The following CDCA7L variants were observed in gnomAD, a reference collection of about 807,000 sequenced individuals.
CDCA7L encodes the protein cell division cycle-associated 7-like protein.
Under a neutral mutation model 57.4 loss-of-function variants are expected in CDCA7L, and 44 were observed. The ratio of observed to expected loss-of-function variants is 0.77; its 90% CI spans 0.60 to 0.98. The LOEUF (loss-of-function observed/expected upper bound fraction) is 0.98, where lower values mean the gene tolerates loss of function less well. Among genes scored for constraint, CDCA7L ranks in the 50% least tolerant of loss-of-function variants. CDCA7L has a pLI of 0.00. For missense variants in CDCA7L, 644 were observed against 580.6 expected (o/e 1.11, Z -1.12); for synonymous variants, 236 against 202.8 (o/e 1.16, Z -1.39).
At chr7:21,913,904 A>G (rs1785404895) in intron 2 of CDCA7L, among the ~76,000 whole-genome samples, 1 of 152,108 alleles carries the variant, frequency 6.6e-6, no homozygotes, top group Non-Finnish European at 1.5e-5. Flanking sequence ...ACTGTTTTCC[A>G]TGTGGGTCTG....
At chr7:21,929,633 A>G (rs1471977560) in intron 1 of CDCA7L, among the ~76,000 whole-genome samples, 3 of 19,114 alleles carry the variant, frequency 1.6e-4, no homozygotes, top group Non-Finnish European at 1.0e-3. Context: ...ATGGAAAGCA[A>G]AAAAAAAAAA....
intron 8 of CDCA7L, chr7:21,903,889 G>C (rs1785035871): frequency 7.3e-6 from 3 of 411,366 alleles, no homozygotes; most frequent in Non-Finnish European, 1.3e-5. Context: ...TCTGACAATG[G>C]AAAATCTAAC....
At chr7:21,909,774 C>G (rs1402445608) in intron 3 of CDCA7L, among the ~76,000 whole-genome samples, 1 of 152,162 alleles carries the variant, frequency 6.6e-6, no homozygotes, top group African/African-American at 2.4e-5. Flanking sequence ...AGATGTGGAA[C>G]AGCTCACTAC....
In CDCA7L at chr7:21,902,240, A is replaced by AAAATCTTTCTTAGGCACCTATG; in HGVS notation, c.*81_*82insCATAGGTGCCTAAGAAAGATTT. On this transcript the variant is annotated 3_prime_UTR_variant, in exon 10 of 10. Transcript: ENST00000406877. ...TTCTGTATAAAAACACAACTGTAAA[A>AAAATCTTTCTTAGGCACCTATG]AAATCTTTCTTAGGCACCAATGGTA... 9.0e-7 allele frequency: 1 copy of AAAATCTTTCTTAGGCACCTATG among 1,111,710 alleles called. No individual in the cohort carries two copies. Among genetic ancestry groups the AAAATCTTTCTTAGGCACCTATG allele is most frequent in the Non-Finnish European group, 1.3e-6 (1 of 763,906 alleles). 68.9% of individuals were successfully genotyped at this position (1,111,710 alleles called of 1,614,324 possible).
intron 1 of CDCA7L, among the ~76,000 whole-genome samples, chr7:21,921,223 G>A (rs980460251): frequency 2.7e-5 from 4 of 150,272 alleles, no homozygotes; most frequent in African/African-American, 9.8e-5. Flanking sequence ...TTACTGATTA[G>A]GAACAAAAGG....
chr7:21,939,048 T>A (rs1786262190), intron 1 of CDCA7L, among the ~76,000 whole-genome samples: 1 of 152,092 alleles, frequency 6.6e-6, no homozygotes, highest in Admixed American at 6.5e-5. Context: ...ATACATACTA[T>A]AACATGGATA....
Position 21,904,252 on chromosome 7 carries a change from G to A in CDCA7L, c.1055C>T (p.Thr352Met), listed in dbSNP as rs148567671. ...DKIYDKVLGN[T>M]CHQCRQKTID... ...GGTCTTTTGTCGACACTGATGGCAC[G>A]TGTTACCCTACAGGGGGAAGGCAGT... The change falls in exon 8 of 10, where the codon ACG becomes ATG. Residue 352 changes from threonine (T) to methionine (M), a missense_variant. By Grantham distance (81) the Thr-to-Met change is moderately conservative. Transcript: ENST00000406877. 11 of 1,604,058 alleles carry A rather than the reference G, an allele frequency of 6.9e-6. No individual in the cohort carries two copies. The highest frequency in any genetic ancestry group is 2.7e-5 in the African/African-American group (2 of 74,674).
intron 1 of CDCA7L, among the ~76,000 whole-genome samples, chr7:21,943,197 G>C (rs1174819317): frequency 6.6e-6 from 1 of 152,232 alleles, no homozygotes; most frequent in Non-Finnish European, 1.5e-5. Flanking sequence ...ACAGTGGTCA[G>C]CACGACAAGA....
At chr7:21,914,362 G>C (rs1202014002) in intron 2 of CDCA7L, among the ~76,000 whole-genome samples, 1 of 152,228 alleles carries the variant, frequency 6.6e-6, no homozygotes, top group East Asian at 1.9e-4. Flanking sequence ...TTCTTAAGGA[G>C]TTTATAATCT....
At chr7:21,909,848 A>G (rs970373342) in intron 3 of CDCA7L, among the ~76,000 whole-genome samples, 4 of 152,172 alleles carry the variant, frequency 2.6e-5, no homozygotes, top group Non-Finnish European at 5.9e-5. Context: ...CCAAGAGAAG[A>G]GCACAAGTGT....
At chr7:21,916,711 G>A (rs370740507) in intron 2 of CDCA7L, 43 bp downstream of exon 2, 2 of 1,588,332 alleles carry the variant, frequency 1.3e-6, no homozygotes, top group Non-Finnish European at 1.7e-6. Flanking sequence ...CCAAGATTCA[G>A]GCCTCCAGAT....
rs1336159814 is a variant in CDCA7L at position 21,906,343 on chromosome 7, T to G, written c.867A>C (p.Ser289=). The stretch of plus-strand genomic sequence containing the variant: ...AAAACTCTTCCGCAAATTTAGCGGC[T>G]GAGACAGTGAAGTTCTCTAGAGCAA... ...EKFALENFTV[S]AAKFAEEFYS... Residue 289 remains serine (S), a synonymous_variant, in exon 6 of 10, where the codon TCA becomes TCC. Transcript: ENST00000406877. 1.2e-6 allele frequency: 2 copies of G among 1,612,878 alleles called. No individual in the cohort carries two copies. Among genetic ancestry groups the G allele is most frequent in the East Asian group, 4.5e-5 (2 of 44,870 alleles).
chr7:21,902,700 G>A (rs977567925), intron 9 of CDCA7L: 5 of 487,388 alleles, frequency 1.0e-5, no homozygotes, highest in Admixed American at 3.5e-5. Flanking sequence ...TGCCTTGTTT[G>A]TTTGTTCCTT....
At chr7:21,902,469 A>C in intron 9 of CDCA7L, 117 bp from the exon 10 acceptor site, 1 of 982,910 alleles carries the variant, frequency 1.0e-6, no homozygotes, top group Non-Finnish European at 1.6e-6. Flanking sequence ...ATCTCCTGAC[A>C]CTCGAAATCC....
At chr7:21,912,219 ATGCACTCCAGCC>A (rs1562625118) in intron 2 of CDCA7L, among the ~76,000 whole-genome samples, 1 of 151,980 alleles carries the variant, frequency 6.6e-6, no homozygotes, top group Non-Finnish European at 1.5e-5. Context: ...CTGCACACCA[ATGCACTCCAGCC>A]TGCGTTGCAG....
chr7:21,902,458 G>C lies in CDCA7L; in HGVS notation c.1335-106C>G, dbSNP rs890528813. On this transcript the variant is annotated intron_variant, in intron 9 of 9. Coordinates refer to ENST00000406877, the MANE Select transcript of CDCA7L (RefSeq NM_018719.5). The stretch of plus-strand genomic sequence containing the variant: ...TCTAAGAGTACAAAGCCAGAACCCA[G>C]ATCTCCTGACACTCGAAATCCTGAC... 4.9e-5 allele frequency: 53 copies of C among 1,083,342 alleles called. No individual in the cohort carries two copies. In the Middle Eastern group the frequency reaches 6.0e-4, roughly 12 times the overall value. 67.1% of individuals were successfully genotyped at this position (1,083,342 alleles called of 1,614,324 possible). A position where few individuals can be genotyped will look rare whatever the true frequency, so the allele number is the denominator to read the frequency against.
chr7:21,944,955 T>G (rs983239506), intron 1 of CDCA7L: 4 of 152,214 alleles, frequency 2.6e-5, no homozygotes, highest in Non-Finnish European at 5.9e-5. Flanking sequence ...TTTCCCTTTT[T>G]AAAGGTTGTA....
At chr7:21,905,789 G>A in intron 6 of CDCA7L, 158 bp from the exon 7 acceptor site, 1 of 775,090 alleles carries the variant, frequency 1.3e-6, no homozygotes, top group Non-Finnish European at 1.9e-6. Flanking sequence ...CTGAGCTCCT[G>A]CCACCTGCCA....
intron 1 of CDCA7L, among the ~76,000 whole-genome samples, chr7:21,935,503 G>C (rs1786133924): frequency 1.3e-5 from 2 of 151,554 alleles, no homozygotes; most frequent in African/African-American, 4.9e-5. Flanking sequence ...CAAACCCAAA[G>C]TTAGCAAGAG....
Sources: gnomAD v4.1 joint callset for allele counts (sites outside exome capture counted in the v4.1 genomes callset) on GRCh38, gnomAD v4.1.1 for gene constraint, MANE v1.5 for transcripts, NCBI Gene and HGNC (gene_info 2026-07-23, HGNC 2026-07-21) for gene names.